The following ANP32A variants were observed in gnomAD, a reference collection of about 807,000 sequenced individuals.
The protein encoded by ANP32A is acidic nuclear phosphoprotein 32 family member A.
ANP32A carries 1 observed loss-of-function variant against 33.9 expected under a neutral mutation model. That is an observed-to-expected ratio of 0.03 (90% confidence interval 0.01 to 0.14). The LOEUF (loss-of-function observed/expected upper bound fraction) is 0.14, where lower values mean the gene tolerates loss of function less well. ANP32A is among the 10% of genes least tolerant of loss of function. The pLI, the probability that ANP32A is intolerant of heterozygous loss-of-function variation, is 1.00. For missense variants in ANP32A, 155 were observed against 306.0 expected (o/e 0.51, Z 3.68); for synonymous variants, 115 against 120.5 (o/e 0.95, Z 0.30).
chr15:68,788,083 G>A (rs1285832603), intron 1 of ANP32A, among the ~76,000 whole-genome samples, 164 bp from the exon 2 acceptor site: 1 of 152,172 alleles, frequency 6.6e-6, no homozygotes, highest in Non-Finnish European at 1.5e-5. Flanking sequence ...AACGACCACA[G>A]GATGGATTTG....
rs1487261132 is a variant in ANP32A, at chr15:68,780,805, T to C, written c.625-332A>G. ...CCCTGTAAGGCAGGCAGCTCTCCAG[T>C]CTGCACATTCTCTGAGGAGAACAAG... On this transcript the variant is annotated intron_variant, in intron 5 of 6. Transcript: ENST00000465139. The surrounding 1 kb of genome is among the most constrained non-coding windows in gnomAD (Gnocchi z 4.3). The C allele has an allele frequency of 7.9e-6, 2 of 251,982 alleles. No homozygotes were observed. Among genetic ancestry groups the C allele is most frequent in the Non-Finnish European group, 7.6e-6 (1 of 131,024 alleles). 15.6% of individuals were successfully genotyped at this position (251,982 alleles called of 1,614,324 possible). A position where few individuals can be genotyped will look rare whatever the true frequency, so the allele number is the denominator to read the frequency against.
At chr15:68,788,014 C>A in intron 1 of ANP32A, 95 bp from the exon 2 acceptor site, 2 of 1,461,196 alleles carry the variant, frequency 1.4e-6, no homozygotes, top group African/African-American at 2.8e-5. Flanking sequence ...GGGAGACAGA[C>A]GCAGGAAGCA....
At position 68,787,425 on chromosome 15, in the gene ANP32A, T is replaced by A. The variant is rs1192559934; in HGVS notation, c.315A>T (p.Thr105=). 1 of 1,614,202 alleles carries A rather than the reference T, an allele frequency of 6.2e-7. No individual in the cohort carries two copies. The highest frequency in any genetic ancestry group is 1.7e-5 in the Admixed American group (1 of 60,028). The stretch of plus-strand genomic sequence containing the variant: ...CCGAATGACTTACCAGTGGCTCTAT[T>A]GTGCTGAGGTCTTTAATTTTGTTGC... ...LSGNKIKDLS[T]IEPLKKLENL... Residue 105 remains threonine (T), a synonymous_variant, in exon 3 of 7, where the codon ACA becomes ACT. Transcript: ENST00000465139.
chr15:68,819,113 A>G (rs1469690758), intron 1 of ANP32A, among the ~76,000 whole-genome samples: 2 of 152,202 alleles, frequency 1.3e-5, no homozygotes, highest in African/African-American at 4.8e-5. Flanking sequence ...GGAAAAGAGG[A>G]AGCGAGGCCT....
Position 68,780,152 on chromosome 15 carries a change from T to C in ANP32A, c.689-10A>G, listed in dbSNP as rs1377415737. The C allele has an allele frequency of 6.2e-7, 1 of 1,613,600 alleles. No homozygotes were observed. The highest frequency in any genetic ancestry group is 2.2e-5 in the East Asian group (1 of 44,888). ...TGACCCCTTTCTTCTTCTGGAAAAG[T>C]AAGAAAGCGGCATTTAGATTAGTTA... On this transcript the variant is annotated splice_polypyrimidine_tract_variant and intron_variant, in intron 6 of 6. Transcript: ENST00000465139. This position sits in a 1 kb window ranked among gnomAD's most constrained non-coding sequence, Gnocchi z 4.3.
At chr15:68,807,556 G>A (rs1408010276) in intron 1 of ANP32A, among the ~76,000 whole-genome samples, 7 of 152,074 alleles carry the variant, frequency 4.6e-5, no homozygotes, top group African/African-American at 1.7e-4. Context: ...ACCCCAGCAA[G>A]CACCTTCTGG....
rs778106516 is a variant in ANP32A at position 68,820,650 on chromosome 15, A to ACG, written c.54+47_54+48insCG. 7 of 1,424,658 alleles carry ACG rather than the reference A, an allele frequency of 4.9e-6. No individual in the cohort carries two copies. In the Admixed American group the frequency reaches 1.3e-4, roughly 27 times the overall value. 88.3% of individuals were successfully genotyped at this position (1,424,658 alleles called of 1,614,324 possible). A position where few individuals can be genotyped will look rare whatever the true frequency, so the allele number is the denominator to read the frequency against. On this transcript the variant is annotated intron_variant, in intron 1 of 6. Transcript: ENST00000465139. ...CCAGCGCGCACACACACACACACAC[A>ACG]CAAAGTAGGAGAATGGACCGACAGA...
At position 68,814,387 on chromosome 15, in the gene ANP32A, C is replaced by T. The variant is rs527970955; in HGVS notation, c.54+6311G>A. On this transcript the variant is annotated intron_variant, in intron 1 of 6. Coordinates refer to ENST00000465139, the MANE Select transcript of ANP32A (RefSeq NM_006305.4). The stretch of plus-strand genomic sequence containing the variant: ...CCAGCCTGGGCAACACGGCAAAACC[C>T]CGTCTCTACAAAAATTATAAAATAA... 1.6e-4 allele frequency among the ~76,000 whole-genome samples: 25 copies of T among 151,704 alleles called. No individual in the cohort carries two copies. In the South Asian group the frequency reaches 5.2e-3, roughly 32 times the overall value.
At chr15:68,814,158 T>C (rs1345576368) in intron 1 of ANP32A, among the ~76,000 whole-genome samples, 1 of 151,660 alleles carries the variant, frequency 6.6e-6, no homozygotes, top group African/African-American at 2.4e-5. Flanking sequence ...CGTGAGCCAC[T>C]GCACCCAGCC....
At position 68,782,662 on chromosome 15, in the gene ANP32A, T is replaced by G. The variant is rs185159269; in HGVS notation, c.624+294A>C. On this transcript the variant is annotated intron_variant, in intron 5 of 6. Coordinates refer to ENST00000465139, the MANE Select transcript of ANP32A (RefSeq NM_006305.4). ...AAGCAAAAAGCAGAAAATGGGGCCA[T>G]GCATTCTGTACTTCTTCACATAGAA... 614 of 401,256 alleles carry G rather than the reference T, an allele frequency of 1.5e-3. 7 individuals carry two copies. Among genetic ancestry groups the G allele is most frequent in the Non-Finnish European group, 5.0e-4 (110 of 218,562 alleles). The allele number at this position is 401,256 out of a possible 1,614,324, so 24.9% of individuals were successfully genotyped here.
intron 3 of ANP32A, among the ~76,000 whole-genome samples, chr15:68,786,435 T>A (rs550659646): frequency 4.6e-5 from 7 of 152,116 alleles, no homozygotes; most frequent in East Asian, 1.9e-4. Flanking sequence ...AATTTTTGTA[T>A]TTTTAGTACA....
chr15:68,805,576 T>G (rs956517559), intron 1 of ANP32A, among the ~76,000 whole-genome samples: 1 of 152,250 alleles, frequency 6.6e-6, no homozygotes, highest in Non-Finnish European at 1.5e-5. Context: ...ATACTTGTCC[T>G]TCTTGGGTTT....
chr15:68,779,326 T>G lies in ANP32A; in HGVS notation c.*755A>C, dbSNP rs1029341007. On this transcript the variant is annotated 3_prime_UTR_variant, in exon 7 of 7. Transcript: ENST00000465139. ...TTTTACAGAACAAGATAGGACAGTTTTTTTTTTCTTTTAAAGAAGTTGAAG... is the reference window on the plus strand; with the variant it reads ...TTTTACAGAACAAGATAGGACAGTTGTTTTTTTCTTTTAAAGAAGTTGAAG... The G allele has an allele frequency of 1.3e-5, 2 of 152,120 alleles. No individual in the cohort carries two copies. Among genetic ancestry groups the G allele is most frequent in the African/African-American group, 4.8e-5 (2 of 41,396 alleles). The allele number at this position is 152,120 out of a possible 1,614,324, so 9.4% of individuals were successfully genotyped here.
At chr15:68,812,531 GT>G (rs1894327032) in intron 1 of ANP32A, among the ~76,000 whole-genome samples, 1 of 152,162 alleles carries the variant, frequency 6.6e-6, no homozygotes, top group African/African-American at 2.4e-5. Flanking sequence ...GGATGGGCTG[GT>G]TTAAAACAGA....
chr15:68,800,860 A>T (rs1424484036), intron 1 of ANP32A, among the ~76,000 whole-genome samples: 1 of 152,130 alleles, frequency 6.6e-6, no homozygotes, highest in Non-Finnish European at 1.5e-5. Flanking sequence ...CAGAGACGTA[A>T]GGCCAAGTCA....
chr15:68,795,400 T>C (rs980926128), intron 1 of ANP32A, among the ~76,000 whole-genome samples: 1 of 152,158 alleles, frequency 6.6e-6, no homozygotes, highest in African/African-American at 2.4e-5. Context: ...GCCATCCTTA[T>C]TATTTTAGGG....
intron 1 of ANP32A, among the ~76,000 whole-genome samples, chr15:68,796,571 A>AGACTGAAGAGGTAGGTGCTGGAG (rs979313809): frequency 6.6e-6 from 1 of 152,194 alleles, no homozygotes; most frequent in Non-Finnish European, 1.5e-5. Context: ...GGATGCTGGA[A>AGACTGAAGAGGTAGGTGCTGGAG]GACTGAAGAG....
intron 1 of ANP32A, among the ~76,000 whole-genome samples, chr15:68,809,965 A>G (rs553189705): frequency 5.3e-4 from 81 of 152,312 alleles, no homozygotes; most frequent in African/African-American, 1.8e-3. Context: ...TGTAGTTACA[A>G]ACTGAAGCAC....
At chr15:68,811,658 T>G (rs1032744735) in intron 1 of ANP32A, among the ~76,000 whole-genome samples, 2 of 152,238 alleles carry the variant, frequency 1.3e-5, no homozygotes, top group Non-Finnish European at 2.9e-5. Flanking sequence ...TCCTGGTAAC[T>G]TTGAATCTCT....
Sources: allele counts gnomAD v4.1 joint callset (sites outside exome capture counted in the v4.1 genomes callset), GRCh38; gene constraint gnomAD v4.1.1; non-coding constraint Gnocchi (gnomAD v3.1); transcripts MANE v1.5; gene names NCBI Gene and HGNC (gene_info 2026-07-23, HGNC 2026-07-21).